The following SLAMF8 variants were observed in gnomAD, a reference collection of about 807,000 sequenced individuals.
The protein encoded by SLAMF8 is SLAM family member 8, also known as B lymphocyte activator macrophage expressed.
A neutral mutation model predicts 29.0 loss-of-function variants in SLAMF8; 23 were observed. The observed-to-expected ratio is 0.79, with a 90% CI of 0.57 to 1.13. The LOEUF (loss-of-function observed/expected upper bound fraction) is 1.13. Among genes scored for constraint, SLAMF8 ranks in the 50% most tolerant of loss-of-function variants. SLAMF8 has a pLI of 0.00. For missense variants in SLAMF8, 381 were observed against 353.1 expected, an observed-to-expected ratio of 1.08 and a Z score of -0.63; for synonymous variants, 139 against 145.6, an observed-to-expected ratio of 0.96 and a Z score of 0.32.
intron 4 of SLAMF8, among the ~76,000 whole-genome samples, chr1:159,833,805 C>G (rs1461819414): frequency 6.7e-6 from 1 of 149,296 alleles, no homozygotes; most frequent in African/African-American, 2.4e-5. Flanking sequence ...CTTACATTTA[C>G]TTCCCCACTG....
At chr1:159,833,417 T>G in intron 4 of SLAMF8, 48 bp downstream of exon 4, 1 of 1,612,696 alleles carries the variant, frequency 6.2e-7, no homozygotes, top group East Asian at 2.2e-5. Context: ...GTGGAGTTCC[T>G]GGGGAGGAGG....
rs113551009 is a variant in SLAMF8 at position 159,830,119 on chromosome 1, C to T, written c.294C>T (p.Ser98=). 1,591 of 1,614,146 alleles carry T rather than the reference C, an allele frequency of 9.9e-4. 19 individuals are homozygous for T. The African/African-American group carries it at 0.015, about 16-fold the overall frequency. Residue 98 remains serine, a synonymous_variant, in exon 2 of 5, where the codon AGC becomes AGT. Transcript: ENST00000289707. ...TCGGGCCGCTGGAGTCTGGAGACAG[C>T]GGCAACTTCTCCGTGTTGATGGTGG... ...LELGPLESGD[S]GNFSVLMVDT... is the part of the protein sequence containing the mutation.
Position 159,833,148 on chromosome 1 carries a change from G to T in SLAMF8, c.640G>T (p.Val214Phe). The part of the protein sequence containing the change: ...SNPVSWDLAT[V>F]TPWDSCHHEA... ...CCCTGTCAGCTGGGACTTGGCCACA[G>T]TCACGCCCTGGGATAGCTGTCATCA... Residue 214 changes from valine (V) to phenylalanine (F), a missense_variant, in exon 3 of 5, where the codon GTC (valine) becomes TTC (phenylalanine). By Grantham distance (50) the Val-to-Phe change is conservative. Coordinates refer to ENST00000289707, the MANE Select transcript of SLAMF8 (RefSeq NM_020125.3). The T allele has an allele frequency of 6.2e-7, 1 of 1,614,172 alleles. No homozygotes were observed. The highest frequency in any genetic ancestry group is 8.5e-7 in the Non-Finnish European group (1 of 1,180,028).
Position 159,837,170 on chromosome 1 carries a change from G to A in SLAMF8, c.*1910G>A, listed in dbSNP as rs920125075. 2.9e-5 allele frequency: 29 copies of A among 985,314 alleles called. No individual in the cohort carries two copies. In the African/African-American group the frequency reaches 3.5e-4, roughly 12 times the overall value. The allele number at this position is 985,314 out of a possible 1,614,324, so 61.0% of individuals were successfully genotyped here. A position where few individuals can be genotyped will look rare whatever the true frequency, so the allele number is the denominator to read the frequency against. ...AGGTGACTCTTAGCAACCTCATTTC[G>A]ACAGTGGTTTGTAGCGTGGTGCACC... is the stretch of plus-strand genomic sequence containing the variant. On this transcript the variant is annotated 3_prime_UTR_variant, in exon 5 of 5. Coordinates refer to ENST00000289707, the MANE Select transcript of SLAMF8 (RefSeq NM_020125.3).
In SLAMF8 at chr1:159,835,773, C is replaced by T; in HGVS notation, c.*513C>T. The T allele has an allele frequency of 1.0e-6, 1 of 985,630 alleles. No individual in the cohort carries two copies. The highest frequency in any genetic ancestry group is 1.2e-6 in the Non-Finnish European group (1 of 830,110). 61.1% of individuals were successfully genotyped at this position (985,630 alleles called of 1,614,324 possible). A position where few individuals can be genotyped will look rare whatever the true frequency, so the allele number is the denominator to read the frequency against. On this transcript the variant is annotated 3_prime_UTR_variant, in exon 5 of 5. Coordinates refer to ENST00000289707, the MANE Select transcript of SLAMF8 (RefSeq NM_020125.3). ...ATCTGATGCTTCCTGAGGGCCAAGG[C>T]ATTGCTGTAAGAAAAGGTCTAGAAA...
chr1:159,833,086 G>A lies in SLAMF8; in HGVS notation c.578G>A (p.Gly193Glu). ...GQVLSISLGP[G>E]DRDVAYSCIV... ...GTGCTGAGCATTTCCCTGGGACCAGGAGACAGAGATGTGGCCTATTCCTGC... is the reference window on the plus strand; with the variant it reads ...GTGCTGAGCATTTCCCTGGGACCAGAAGACAGAGATGTGGCCTATTCCTGC... Residue 193 changes from glycine to glutamate, a missense_variant, in exon 3 of 5, where the codon GGA becomes GAA. Physicochemically the swap from Gly to Glu is moderately conservative, Grantham distance 98. Coordinates refer to ENST00000289707, the MANE Select transcript of SLAMF8 (RefSeq NM_020125.3). The A allele has an allele frequency of 6.2e-7, 1 of 1,614,214 alleles. No homozygotes were observed. Among genetic ancestry groups the A allele is most frequent in the South Asian group, 1.1e-5 (1 of 91,082 alleles).
At chr1:159,830,659 T>C (rs545462781) in intron 2 of SLAMF8, among the ~76,000 whole-genome samples, 1 of 152,220 alleles carries the variant, frequency 6.6e-6, no homozygotes, top group African/African-American at 2.4e-5. Context: ...GTGTAGACTA[T>C]GTGTCATTAG....
chr1:159,837,322 G>T lies in SLAMF8; in HGVS notation c.*2062G>T. 1 of 984,790 alleles carries T rather than the reference G, an allele frequency of 1.0e-6. No individual in the cohort carries two copies. The highest frequency in any genetic ancestry group is 1.2e-6 in the Non-Finnish European group (1 of 829,342). 61.0% of individuals were successfully genotyped at this position (984,790 alleles called of 1,614,324 possible). A position where few individuals can be genotyped will look rare whatever the true frequency, so the allele number is the denominator to read the frequency against. ...AAAGTGCTTCTGTGAGACCAATTTT[G>T]TGCTAATGAGCATTGAGACTGATGC... On this transcript the variant is annotated 3_prime_UTR_variant, in exon 5 of 5. Coordinates refer to ENST00000289707, the MANE Select transcript of SLAMF8 (RefSeq NM_020125.3).
intron 1 of SLAMF8, among the ~76,000 whole-genome samples, chr1:159,828,740 G>C (rs748735736): frequency 6.6e-6 from 1 of 152,190 alleles, no homozygotes; most frequent in African/African-American, 2.4e-5. Context: ...GAACACAAGA[G>C]AGAATATGTA....
At chr1:159,828,503 C>T (rs1647235186) in intron 1 of SLAMF8, among the ~76,000 whole-genome samples, 1 of 152,188 alleles carries the variant, frequency 6.6e-6, no homozygotes, top group Non-Finnish European at 1.5e-5. Context: ...TTCTTCCCTA[C>T]ACCCTGTGCC....
Position 159,836,318 on chromosome 1 carries a change from G to T in SLAMF8, c.*1058G>T. 1.0e-6 allele frequency: 1 copy of T among 984,228 alleles called. No individual in the cohort carries two copies. Among genetic ancestry groups the T allele is most frequent in the Non-Finnish European group, 1.2e-6 (1 of 828,796 alleles). The allele number at this position is 984,228 out of a possible 1,614,324, so 61.0% of individuals were successfully genotyped here. On this transcript the variant is annotated 3_prime_UTR_variant, in exon 5 of 5. Coordinates refer to ENST00000289707, the MANE Select transcript of SLAMF8 (RefSeq NM_020125.3). Reference sequence around the variant, plus strand: ...CAAAGACCCCACAGCCCAACAGCAGGACTGTAGAGGTCACTCTGACTCCAT... The same window carrying T: ...CAAAGACCCCACAGCCCAACAGCAGTACTGTAGAGGTCACTCTGACTCCAT...
chr1:159,834,687 C>G (rs1375918401), intron 4 of SLAMF8: 2 of 152,822 alleles, frequency 1.3e-5, no homozygotes, highest in Non-Finnish European at 2.9e-5. Context: ...CAGCACTAGT[C>G]TGCTTTCTGC....
At position 159,833,242 on chromosome 1, in the gene SLAMF8, C is replaced by T. The variant is rs1273595547; in HGVS notation, c.674-20C>T. 1 of 1,614,128 alleles carries T rather than the reference C, an allele frequency of 6.2e-7. No homozygotes were observed. The highest frequency in any genetic ancestry group is 1.1e-5 in the South Asian group (1 of 91,084). ...TATGAAGCATCAAGTCCACCTCTAA[C>T]CCCACCCCTCCATGTTCAGCACCAG... On this transcript the variant is annotated intron_variant, in intron 3 of 4. Coordinates refer to ENST00000289707, the MANE Select transcript of SLAMF8 (RefSeq NM_020125.3).
rs373412987 is a variant in SLAMF8 at position 159,826,955 on chromosome 1, G to A, written c.40+17G>A. On this transcript the variant is annotated intron_variant, in intron 1 of 4. Coordinates refer to ENST00000289707, the MANE Select transcript of SLAMF8 (RefSeq NM_020125.3). ...TCTGGGAAGGTAAGTGGGGCAGGCA[G>A]ATAGCCTGTCCTCGGAGAGCTGAAG... The A allele has an allele frequency of 7.4e-6, 12 of 1,613,930 alleles. No homozygotes were observed. Among genetic ancestry groups the A allele is most frequent in the South Asian group, 1.1e-5 (1 of 91,074 alleles).
intron 1 of SLAMF8, among the ~76,000 whole-genome samples, chr1:159,829,129 A>G (rs896763751): frequency 6.6e-6 from 1 of 152,008 alleles, no homozygotes; most frequent in Non-Finnish European, 1.5e-5. Flanking sequence ...TCCTCAATTC[A>G]AGTTGCCGTC....
rs931269938 is a variant in SLAMF8 at position 159,827,662 on chromosome 1, C to T, written c.40+724C>T. 1.6e-4 allele frequency among the ~76,000 whole-genome samples: 24 copies of T among 152,152 alleles called. 1 individual carries two copies. The highest frequency in any genetic ancestry group is 5.8e-4 in the African/African-American group (24 of 41,436). On this transcript the variant is annotated intron_variant, in intron 1 of 4. Coordinates refer to ENST00000289707, the MANE Select transcript of SLAMF8 (RefSeq NM_020125.3). ...GCAAAGATTAAGATGATATTGTTTA[C>T]ATCAGAGGCTCATAGGGACTTTGGG...
chr1:159,836,886 C>T lies in SLAMF8; in HGVS notation c.*1626C>T, dbSNP rs898711336. The stretch of plus-strand genomic sequence containing the variant: ...AAGATTACCTGAACAGGGTCCATGG[C>T]CACTCAACCTGTCAGCTTGCACCAT... On this transcript the variant is annotated 3_prime_UTR_variant, in exon 5 of 5. Transcript: ENST00000289707. The T allele has an allele frequency of 3.0e-6, 3 of 985,406 alleles. No homozygotes were observed. Among genetic ancestry groups the T allele is most frequent in the Non-Finnish European group, 2.4e-6 (2 of 829,984 alleles). 61.0% of individuals were successfully genotyped at this position (985,406 alleles called of 1,614,324 possible). A position where few individuals can be genotyped will look rare whatever the true frequency, so the allele number is the denominator to read the frequency against.
chr1:159,832,784 T>C (rs1052068859), intron 2 of SLAMF8, 92 bp from the exon 3 acceptor site: 2 of 1,398,596 alleles, frequency 1.4e-6, no homozygotes, highest in South Asian at 2.7e-5. Context: ...TAGCCAGAGG[T>C]GGCATCTAAC....
chr1:159,826,874 A>C lies in SLAMF8; in HGVS notation c.-25A>C, dbSNP rs1168210270. On this transcript the variant is annotated 5_prime_UTR_variant, in exon 1 of 5. Coordinates refer to ENST00000289707, the MANE Select transcript of SLAMF8 (RefSeq NM_020125.3). Reference sequence around the variant, plus strand: ...GGTTCTGGATTTTGGCTGTCGAGGGAGTTTGCCTGCCTCTCCAGAGAAAGA... The same window carrying C: ...GGTTCTGGATTTTGGCTGTCGAGGGCGTTTGCCTGCCTCTCCAGAGAAAGA... 1.9e-6 allele frequency: 3 copies of C among 1,614,028 alleles called. No individual in the cohort carries two copies. Among genetic ancestry groups the C allele is most frequent in the Non-Finnish European group, 2.5e-6 (3 of 1,179,982 alleles).
Sources: gnomAD v4.1 joint callset for allele counts (sites outside exome capture counted in the v4.1 genomes callset) on GRCh38, gnomAD v4.1.1 for gene constraint, MANE v1.5 for transcripts, NCBI Gene and HGNC (gene_info 2026-07-23, HGNC 2026-07-21) for gene names.